Variants in FRMD6 observed in about 807,000 individuals in gnomAD.
FRMD6 encodes FERM domain-containing protein 6.
In FRMD6, 37 loss-of-function variants were observed where a neutral mutation model predicts 73.2. The observed-to-expected ratio is 0.51, with a 90% CI of 0.39 to 0.66. The LOEUF (loss-of-function observed/expected upper bound fraction) is 0.66, where lower values mean the gene tolerates loss of function less well. Among genes scored for constraint, FRMD6 ranks in the 30% least tolerant of loss-of-function variants. The pLI, the probability that FRMD6 is intolerant of heterozygous loss-of-function variation, is 0.00. For missense variants in FRMD6, 714 were observed against 780.5 expected (o/e 0.91, Z 1.02); for synonymous variants, 273 against 282.2 (o/e 0.97, Z 0.33).
chr14:51,621,788 T>C (rs953771116), intron 2 of FRMD6, among the ~76,000 whole-genome samples: 9 of 152,220 alleles, frequency 5.9e-5, no homozygotes, highest in African/African-American at 2.2e-4. Context: ...TACTTTAAGA[T>C]TGAGAAACAG....
chr14:51,548,420 C>A (rs1016049692), intron 1 of FRMD6, among the ~76,000 whole-genome samples: 9 of 152,256 alleles, frequency 5.9e-5, no homozygotes, highest in Non-Finnish European at 4.4e-5. Flanking sequence ...TTGCAGGTGG[C>A]TTTGCGGGTC....
chr14:51,446,531 G>A, the FRMD6 span, among the ~76,000 whole-genome samples: 1 of 151,072 alleles, frequency 6.6e-6, no homozygotes, highest in Non-Finnish European at 1.5e-5. Flanking sequence ...TCAGTCACAC[G>A]TCCAGAGAAA....
rs537022216 is a variant in FRMD6, at chr14:51,538,960, G to A, written c.-209-31388G>A. 3.9e-5 allele frequency among the ~76,000 whole-genome samples: 6 copies of A among 152,118 alleles called. No individual in the cohort carries two copies. The South Asian group carries it at 6.2e-4, about 16-fold the overall frequency. On this transcript the variant is annotated intron_variant, in intron 1 of 14. Coordinates refer to the FRMD6 transcript ENST00000356218. Reference sequence around the variant, plus strand: ...TGTAGATCAATTTGGGGAGTTTTGCGTTCTTGGATGGTTCATTGCTAGCAT... The same window carrying A: ...TGTAGATCAATTTGGGGAGTTTTGCATTCTTGGATGGTTCATTGCTAGCAT...
chr14:51,708,140 G>T lies in FRMD6; in HGVS notation c.621G>T (p.Gln207His), dbSNP rs1433154608. The change falls in exon 7 of 14, where the codon CAG becomes CAT. Residue 207 changes from glutamine to histidine, a missense_variant. Transcript: ENST00000344768. ...ACATTCCAAACATGCACAAAGATCA[G>T]TTTGCACTAACAGCTTCCGAAGCTC... ...LKHIPNMHKD[Q>H]FALTASEAHL... 1 of 1,613,230 alleles carries T rather than the reference G, an allele frequency of 6.2e-7. No individual in the cohort carries two copies. The highest frequency in any genetic ancestry group is 2.2e-5 in the East Asian group (1 of 44,876).
chr14:51,652,085 GC>G (rs1486314290), intron 1 of FRMD6, 89 bp downstream of exon 1: 1 of 152,454 alleles, frequency 6.6e-6, no homozygotes, highest in Admixed American at 6.5e-5. Flanking sequence ...CCCCCTGCCG[GC>G]GGGGCGGCGG....
chr14:51,636,991 A>T (rs1320628132), intron 2 of FRMD6, among the ~76,000 whole-genome samples: 2 of 152,188 alleles, frequency 1.3e-5, no homozygotes, highest in African/African-American at 2.4e-5. Flanking sequence ...TGGGAGGTTG[A>T]GGTGGGAGGA....
At chr14:51,544,048 A>G (rs1886338496) in intron 1 of FRMD6, among the ~76,000 whole-genome samples, 1 of 151,984 alleles carries the variant, frequency 6.6e-6, no homozygotes, top group African/African-American at 2.4e-5. Flanking sequence ...CACAGCTTCA[A>G]CAGTTATCAA....
At chr14:51,622,457 A>C (rs1348040762) in intron 2 of FRMD6, among the ~76,000 whole-genome samples, 2 of 152,162 alleles carry the variant, frequency 1.3e-5, no homozygotes, top group Non-Finnish European at 2.9e-5. Context: ...GGTCACCTAT[A>C]AAAGAAGTGA....
chr14:51,510,282 G>T (rs938475937), intron 1 of FRMD6, among the ~76,000 whole-genome samples: 4 of 152,158 alleles, frequency 2.6e-5, no homozygotes, highest in East Asian at 1.9e-4. Context: ...CTTGAGCAAG[G>T]TTACACAAGG....
At chr14:51,577,641 CTCTGCATGG>C (rs1888478466) in intron 2 of FRMD6, among the ~76,000 whole-genome samples, 8 of 152,132 alleles carry the variant, frequency 5.3e-5, no homozygotes, top group Admixed American at 4.6e-4. Context: ...GAGTAACTAA[CTCTGCATGG>C]AAAGTAGGAG....
At chr14:51,653,054 G>A (rs1892544929) in intron 1 of FRMD6, among the ~76,000 whole-genome samples, 2 of 152,162 alleles carry the variant, frequency 1.3e-5, no homozygotes, top group African/African-American at 4.8e-5. Flanking sequence ...CGCAAAATCT[G>A]TTTTGCCAGT....
At chr14:51,700,497 T>C (rs1896240438) in intron 3 of FRMD6, among the ~76,000 whole-genome samples, 1 of 152,042 alleles carries the variant, frequency 6.6e-6, no homozygotes. Context: ...TAAGGGTTTA[T>C]CATTTTGTCA....
intron 2 of FRMD6, among the ~76,000 whole-genome samples, chr14:51,576,813 T>C (rs1729241584): frequency 6.6e-6 from 1 of 152,160 alleles, no homozygotes; most frequent in Non-Finnish European, 1.5e-5. Flanking sequence ...GTTGCATAAA[T>C]GTTGTATGGA....
intron 2 of FRMD6, among the ~76,000 whole-genome samples, chr14:51,625,684 C>T (rs959658551): frequency 3.3e-5 from 5 of 152,298 alleles, no homozygotes; most frequent in African/African-American, 7.2e-5. Flanking sequence ...TGATCCAACA[C>T]GCTCATTCCA....
the FRMD6 span, chr14:51,436,824 AAGG>A: frequency 1.8e-6 from 1 of 557,250 alleles, no homozygotes; most frequent in Non-Finnish European, 3.2e-6. Context: ...GAAGATGAAG[AAGG>A]AGAAGGAGAA....
chr14:51,719,891 C>T (rs532192083), intron 10 of FRMD6, among the ~76,000 whole-genome samples, 164 bp from the exon 11 acceptor site: 1 of 152,144 alleles, frequency 6.6e-6, no homozygotes, highest in Non-Finnish European at 1.5e-5. Flanking sequence ...GGTTTTTATT[C>T]ATTTTTCAGT....
the FRMD6 span, among the ~76,000 whole-genome samples, chr14:51,416,253 A>C: frequency 6.6e-6 from 1 of 152,066 alleles, no homozygotes; most frequent in East Asian, 1.9e-4. Context: ...TTAGGGTGTC[A>C]ATTTTAGATC....
At chr14:51,629,027 C>T (rs903550149) in intron 2 of FRMD6, among the ~76,000 whole-genome samples, 1 of 151,636 alleles carries the variant, frequency 6.6e-6, no homozygotes, top group Non-Finnish European at 1.5e-5. Flanking sequence ...CAGACGCCCG[C>T]CACCACGCCC....
At chr14:51,677,344 A>C (rs1055887827) in intron 1 of FRMD6, among the ~76,000 whole-genome samples, 1 of 152,152 alleles carries the variant, frequency 6.6e-6, no homozygotes, top group Non-Finnish European at 1.5e-5. Context: ...CTACTAGATA[A>C]TGAGAATTTC....
Sources: gnomAD v4.1 joint callset for allele counts (sites outside exome capture counted in the v4.1 genomes callset) on GRCh38, gnomAD v4.1.1 for gene constraint, MANE v1.5 for transcripts, NCBI Gene and HGNC (gene_info 2026-07-23, HGNC 2026-07-21) for gene names.